Variants in MSH4 observed in about 807,000 individuals in gnomAD.
The protein encoded by MSH4 is mutS protein homolog 4.
A neutral mutation model predicts 113.7 loss-of-function variants in MSH4; 106 were observed. The ratio of observed to expected loss-of-function variants is 0.93; its 90% CI spans 0.80 to 1.10. The LOEUF (loss-of-function observed/expected upper bound fraction) is 1.10, where lower values mean the gene tolerates loss of function less well. MSH4 is among the 50% of genes least tolerant of loss of function. The pLI, the probability that MSH4 is intolerant of heterozygous loss-of-function variation, is 0.00. For missense variants in MSH4, 1,061 were observed against 1,093.7 expected (o/e 0.97, Z 0.42); for synonymous variants, 368 against 380.2 (o/e 0.97, Z 0.37).
rs541357543 is a variant in MSH4 at position 75,796,898 on chromosome 1, C to G, written c.-88C>G. 14 of 1,571,070 alleles carry G rather than the reference C, an allele frequency of 8.9e-6. No homozygotes were observed. Among genetic ancestry groups the G allele is most frequent in the African/African-American group, 8.1e-5 (6 of 73,912 alleles). ...TGCGTCGGCGCGCAGTTCTCCCGCC[C>G]GTTTCAGCGGCGCAGCTTCTGTAGT... On this transcript the variant is annotated 5_prime_UTR_variant, in exon 1 of 20. Transcript: ENST00000263187.
chr1:75,849,077 A>G (rs1246889921), intron 8 of MSH4, among the ~76,000 whole-genome samples: 1 of 152,010 alleles, frequency 6.6e-6, no homozygotes, highest in Admixed American at 6.6e-5. Flanking sequence ...GATTACAGGC[A>G]TGCACTACCA....
chr1:75,833,579 A>G (rs1650758256), intron 7 of MSH4, among the ~76,000 whole-genome samples: 1 of 152,224 alleles, frequency 6.6e-6, no homozygotes. Context: ...CACTGGTACC[A>G]AAACATATAT....
chr1:75,846,335 A>C (rs1394830808), intron 7 of MSH4, among the ~76,000 whole-genome samples: 1 of 152,150 alleles, frequency 6.6e-6, no homozygotes. Flanking sequence ...AGTTTTCATA[A>C]TTTGTTTATT....
intron 12 of MSH4, among the ~76,000 whole-genome samples, chr1:75,879,421 C>A (rs1232495772): frequency 6.6e-6 from 1 of 152,138 alleles, no homozygotes; most frequent in Non-Finnish European, 1.5e-5. Context: ...GAAAATACCA[C>A]ACCATTTGCC....
At chr1:75,832,558 C>A (rs1022084051) in intron 7 of MSH4, among the ~76,000 whole-genome samples, 25 of 152,142 alleles carry the variant, frequency 1.6e-4, no homozygotes, top group African/African-American at 5.8e-4. Flanking sequence ...CAAACCGAAT[C>A]CAGCAGCTCA....
intron 7 of MSH4, among the ~76,000 whole-genome samples, chr1:75,837,477 C>T (rs1650857148): frequency 6.7e-6 from 1 of 150,120 alleles, no homozygotes; most frequent in Non-Finnish European, 1.5e-5. Flanking sequence ...ACCTCTGCCT[C>T]CCAGGTTCAA....
chr1:75,908,519 G>A (rs1012052022), intron 19 of MSH4, among the ~76,000 whole-genome samples: 5 of 152,102 alleles, frequency 3.3e-5, no homozygotes, highest in Non-Finnish European at 5.9e-5. Flanking sequence ...TAGAGTTCAT[G>A]AATTTTCTTA....
At chr1:75,899,876 T>G (rs1424243698) in intron 19 of MSH4, among the ~76,000 whole-genome samples, 170 bp downstream of exon 19, 1 of 151,240 alleles carries the variant, frequency 6.6e-6, no homozygotes, top group Non-Finnish European at 1.5e-5. Flanking sequence ...CTTAAAACTC[T>G]TTTGGTTTGG....
rs1447534812 is a variant in MSH4 at position 75,822,466 on chromosome 1, A to G, written c.1047A>G (p.Arg349=). The G allele has an allele frequency of 1.9e-6, 3 of 1,586,950 alleles. No individual in the cohort carries two copies. Among genetic ancestry groups the G allele is most frequent in the Admixed American group, 3.7e-5 (2 of 54,084 alleles). Residue 349 remains arginine (R), a synonymous_variant, in exon 7 of 20, where the codon AGA becomes AGG. Coordinates refer to ENST00000263187, the MANE Select transcript of MSH4 (RefSeq NM_002440.4). The stretch of plus-strand genomic sequence containing the variant: ...ATACTAAGACTCCTGGAGGGAGTAG[A>G]CGACTTCGTTCTAATATATTAGAGC... ...LNYTKTPGGS[R]RLRSNILEPL...
chr1:75,819,151 C>G (rs1650353864), intron 6 of MSH4, among the ~76,000 whole-genome samples: 1 of 151,790 alleles, frequency 6.6e-6, no homozygotes, highest in African/African-American at 2.4e-5. Flanking sequence ...GTTTATTTCC[C>G]CTCGCTCTTT....
rs1383211942 is a variant in MSH4 at position 75,889,255 on chromosome 1, A to C, written c.2112A>C (p.Ser704=). The C allele has an allele frequency of 7.2e-7, 1 of 1,379,670 alleles. No homozygotes were observed. Among genetic ancestry groups the C allele is most frequent in the Non-Finnish European group, 1.0e-6 (1 of 980,762 alleles). The allele number at this position is 1,379,670 out of a possible 1,614,324, so 85.5% of individuals were successfully genotyped here. The part of the protein sequence containing the change: ...ALCQIMAQIG[S]YVPAEYSSFR... Reference sequence around the variant, plus strand: ...TCTTGACCTTATATTTTACAGGATCATATGTTCCAGCAGAATATTCTTCCT... The same window carrying C: ...TCTTGACCTTATATTTTACAGGATCCTATGTTCCAGCAGAATATTCTTCCT... Residue 704 remains serine, a synonymous_variant, in exon 16 of 20, where the codon TCA becomes TCC. Coordinates refer to ENST00000263187, the MANE Select transcript of MSH4 (RefSeq NM_002440.4).
chr1:75,797,273 CG>C, intron 1 of MSH4, 44 bp downstream of exon 1: 1 of 1,569,082 alleles, frequency 6.4e-7, no homozygotes, highest in African/African-American at 1.3e-5. Flanking sequence ...GGCTAGAGGC[CG>C]GCAGTTCATG....
chr1:75,803,624 GA>G (rs1197914059), intron 1 of MSH4, 106 bp from the exon 2 acceptor site: 7 of 874,494 alleles, frequency 8.0e-6, no homozygotes, highest in South Asian at 2.6e-5. Context: ...TCTCAAAAAA[GA>G]AAAAAAGAAA....
intron 4 of MSH4, among the ~76,000 whole-genome samples, chr1:75,813,387 A>G (rs1342578363): frequency 6.6e-6 from 1 of 152,204 alleles, no homozygotes. Context: ...GTAAGGCAGT[A>G]TAGCATAGTG....
rs1444645504 is a variant in MSH4 at position 75,877,016 on chromosome 1, C to T, written c.1370+16C>T. On this transcript the variant is annotated intron_variant, in intron 10 of 19. Coordinates refer to ENST00000263187, the MANE Select transcript of MSH4 (RefSeq NM_002440.4). ...AAGACAAGAGGTCTTTGTCACTCAA[C>T]CGTTAATAAAAAATAAGATTATTCT... 2.7e-6 allele frequency: 4 copies of T among 1,480,794 alleles called. No individual in the cohort carries two copies. The highest frequency in any genetic ancestry group is 3.6e-6 in the Non-Finnish European group (4 of 1,098,790). The allele number at this position is 1,480,794 out of a possible 1,614,324, so 91.7% of individuals were successfully genotyped here.
At chr1:75,897,682 C>T (rs973580001) in intron 17 of MSH4, among the ~76,000 whole-genome samples, 3 of 152,012 alleles carry the variant, frequency 2.0e-5, no homozygotes, top group African/African-American at 7.2e-5. Context: ...GTGGCATACA[C>T]GTCTGTGCAC....
chr1:75,850,613 A>G (rs896167434), intron 8 of MSH4, among the ~76,000 whole-genome samples: 2 of 152,104 alleles, frequency 1.3e-5, no homozygotes, highest in African/African-American at 4.8e-5. Flanking sequence ...ACTTGAAAAC[A>G]ATGTGTATTT....
chr1:75,844,525 CTG>C (rs1324812138), intron 7 of MSH4, among the ~76,000 whole-genome samples: 2 of 152,056 alleles, frequency 1.3e-5, no homozygotes, highest in African/African-American at 4.8e-5. Flanking sequence ...CAGGGTCTCA[CTG>C]TGTTGCCAAG....
rs1650103065 is a variant in MSH4, at chr1:75,807,911, T to C, written c.588+770T>C. ...AGAGAGAGCAAATACAGAAATTGCA[T>C]TTGTCTCTCTCTAAGAGCTGGGACA... is the stretch of plus-strand genomic sequence containing the variant. On this transcript the variant is annotated intron_variant, in intron 3 of 19. Coordinates refer to ENST00000263187, the MANE Select transcript of MSH4 (RefSeq NM_002440.4). Among the ~76,000 whole-genome samples, 2 of 152,070 alleles carry C rather than the reference T, an allele frequency of 1.3e-5. 1 individual carries two copies. Among genetic ancestry groups the C allele is most frequent in the African/African-American group, 4.8e-5 (2 of 41,404 alleles).
Sources: allele counts gnomAD v4.1 joint callset (sites outside exome capture counted in the v4.1 genomes callset), GRCh38; gene constraint gnomAD v4.1.1; transcripts MANE v1.5; gene names NCBI Gene and HGNC (gene_info 2026-07-23, HGNC 2026-07-21).